Variants in DGKI observed in about 807,000 individuals in gnomAD.
DGKI encodes diacylglycerol kinase iota.
A neutral mutation model predicts 147.5 loss-of-function variants in DGKI; 55 were observed. The ratio of observed to expected loss-of-function variants is 0.37; its 90% CI spans 0.30 to 0.47. DGKI has a LOEUF of 0.47. Ranked by LOEUF, DGKI falls within the 20% of genes least tolerant of loss-of-function variation. DGKI has a pLI of 1.00. For missense variants in DGKI, 1,007 were observed against 1,323.8 expected, an observed-to-expected ratio of 0.76 and a Z score of 3.71; for synonymous variants, 469 against 477.1, an observed-to-expected ratio of 0.98 and a Z score of 0.22.
chr7:137,742,161 C>T (rs1795190836), intron 1 of DGKI, among the ~76,000 whole-genome samples: 1 of 152,144 alleles, frequency 6.6e-6, no homozygotes, highest in Non-Finnish European at 1.5e-5. Flanking sequence ...TAAACTCACA[C>T]TGTTCTCATA....
In DGKI at chr7:137,660,280, C is replaced by A. The variant is rs3800619; in HGVS notation, c.607-3740G>T. 1.7e-3 allele frequency among the ~76,000 whole-genome samples: 257 copies of A among 152,278 alleles called. 8 individuals are homozygous for A. The East Asian group carries it at 0.037, about 22-fold the overall frequency. On this transcript the variant is annotated intron_variant, in intron 3 of 32. Coordinates refer to ENST00000614521, the MANE Select transcript of DGKI (RefSeq NM_001321708.2). ...AGACAATATGGAATACAGTATAGAT[C>A]ACAGTCCATTATATTACACTGTTCT...
intron 27 of DGKI, among the ~76,000 whole-genome samples, chr7:137,460,706 T>C (rs1241412812): frequency 6.6e-6 from 1 of 152,226 alleles, no homozygotes; most frequent in Non-Finnish European, 1.5e-5. Flanking sequence ...TTTTGGAGCA[T>C]TTCAGATTAC....
At chr7:137,825,605 C>T (rs536017470) in intron 1 of DGKI, among the ~76,000 whole-genome samples, 139 of 152,048 alleles carry the variant, frequency 9.1e-4, no homozygotes, top group Non-Finnish European at 1.6e-3. Flanking sequence ...CATGCACCCC[C>T]CAACACACAG....
At chr7:137,844,177 A>G (rs1014029879) in intron 1 of DGKI, among the ~76,000 whole-genome samples, 2 of 152,232 alleles carry the variant, frequency 1.3e-5, no homozygotes, top group African/African-American at 4.8e-5. Flanking sequence ...GGCCGCCATG[A>G]CGAGTGGGCA....
intron 1 of DGKI, among the ~76,000 whole-genome samples, chr7:137,711,267 T>C (rs1025036680): frequency 2.6e-5 from 4 of 152,216 alleles, no homozygotes; most frequent in Non-Finnish European, 5.9e-5. Flanking sequence ...CTAGATAATC[T>C]CTGGTATATA....
chr7:137,655,914 C>T (rs557256116), intron 4 of DGKI, among the ~76,000 whole-genome samples: 47 of 152,280 alleles, frequency 3.1e-4, no homozygotes, highest in African/African-American at 1.1e-3. Flanking sequence ...TGGACTTTGC[C>T]GAATCCACTG....
chr7:137,789,399 T>C (rs1796777868), intron 1 of DGKI, among the ~76,000 whole-genome samples: 1 of 152,174 alleles, frequency 6.6e-6, no homozygotes, highest in Non-Finnish European at 1.5e-5. Flanking sequence ...CGTAATGGGA[T>C]TGTTGCAGTT....
At chr7:137,781,884 T>C (rs1563195318) in intron 1 of DGKI, among the ~76,000 whole-genome samples, 1 of 152,238 alleles carries the variant, frequency 6.6e-6, no homozygotes, top group Non-Finnish European at 1.5e-5. Flanking sequence ...TCTCAAGTGC[T>C]ACATTTTAAT....
intron 23 of DGKI, among the ~76,000 whole-genome samples, chr7:137,471,329 A>T (rs1367985681): frequency 6.6e-6 from 1 of 152,182 alleles, no homozygotes; most frequent in Non-Finnish European, 1.5e-5. Context: ...TGGCAGCTGA[A>T]GCCGCAGGTG....
chr7:137,783,834 A>C (rs1261125574), intron 1 of DGKI, among the ~76,000 whole-genome samples: 1 of 152,224 alleles, frequency 6.6e-6, no homozygotes, highest in Admixed American at 6.5e-5. Context: ...AGCCTCCTTA[A>C]GCAAAACAGT....
intron 1 of DGKI, among the ~76,000 whole-genome samples, chr7:137,792,901 G>T (rs879497116): frequency 2.6e-5 from 4 of 152,192 alleles, no homozygotes; most frequent in Non-Finnish European, 4.4e-5. Flanking sequence ...GCAGAACCGT[G>T]AACCAAATAA....
intron 20 of DGKI, among the ~76,000 whole-genome samples, chr7:137,530,221 C>T (rs143711488): frequency 2.0e-5 from 3 of 152,180 alleles, no homozygotes; most frequent in African/African-American, 7.2e-5. Flanking sequence ...TTTTCAGTAG[C>T]CTTCCACACT....
At chr7:137,832,136 T>C (rs2117074204) in intron 1 of DGKI, among the ~76,000 whole-genome samples, 1 of 152,304 alleles carries the variant, frequency 6.6e-6, no homozygotes, top group African/African-American at 2.4e-5. Flanking sequence ...TGAGTGTCTG[T>C]GGATTTTCCA....
At chr7:137,456,727 A>G (rs1814220823) in intron 27 of DGKI, among the ~76,000 whole-genome samples, 1 of 152,232 alleles carries the variant, frequency 6.6e-6, no homozygotes, top group Non-Finnish European at 1.5e-5. Context: ...ACTCATGGCA[A>G]TGAAGGGCGA....
intron 1 of DGKI, among the ~76,000 whole-genome samples, chr7:137,796,086 C>CA: frequency 6.6e-6 from 1 of 152,096 alleles, no homozygotes; most frequent in African/African-American, 2.4e-5. Flanking sequence ...TCAACAACAA[C>CA]AAAAAATAAG....
Position 137,662,334 on chromosome 7 carries a change from C to T in DGKI, c.607-5794G>A, listed in dbSNP as rs570092200. ...TCTCGGCTCACTGCAAGCTCTGCCTCCCGGGTTCACGCCATTCTCCTGCCT... is the reference window on the plus strand; with the variant it reads ...TCTCGGCTCACTGCAAGCTCTGCCTTCCGGGTTCACGCCATTCTCCTGCCT... On this transcript the variant is annotated intron_variant, in intron 3 of 32. Coordinates refer to ENST00000614521, the MANE Select transcript of DGKI (RefSeq NM_001321708.2). Among the ~76,000 whole-genome samples, 731 of 151,118 alleles carry T rather than the reference C, an allele frequency of 4.8e-3. 3 individuals are homozygous for T. The highest frequency in any genetic ancestry group is 0.013 in the African/African-American group (526 of 40,898).
At chr7:137,497,337 C>T (rs1434762831) in intron 21 of DGKI, among the ~76,000 whole-genome samples, 2 of 152,030 alleles carry the variant, frequency 1.3e-5, no homozygotes, top group Non-Finnish European at 2.9e-5. Flanking sequence ...TTATACACTG[C>T]TAATGGGAAT....
At chr7:137,401,854 C>A (rs576278745) in intron 30 of DGKI, among the ~76,000 whole-genome samples, 1 of 152,192 alleles carries the variant, frequency 6.6e-6, no homozygotes, top group Non-Finnish European at 1.5e-5. Context: ...CAGATGAAAA[C>A]GGCCTCTGCT....
intron 1 of DGKI, among the ~76,000 whole-genome samples, chr7:137,700,866 G>A (rs916338344): frequency 4.6e-5 from 7 of 151,404 alleles, no homozygotes; most frequent in Admixed American, 6.6e-5. Context: ...CGACAAGAGC[G>A]AAGCTCCGTC....
Sources: gnomAD v4.1 joint callset for allele counts (sites outside exome capture counted in the v4.1 genomes callset) on GRCh38, gnomAD v4.1.1 for gene constraint, MANE v1.5 for transcripts, NCBI Gene and HGNC (gene_info 2026-07-23, HGNC 2026-07-21) for gene names.